The following SVIL variants were observed in gnomAD, a reference collection of about 807,000 sequenced individuals.
SVIL encodes the protein archvillin.
SVIL carries 101 observed loss-of-function variants against 240.4 expected under a neutral mutation model. The observed-to-expected ratio is 0.42, with a 90% CI of 0.36 to 0.50. The LOEUF (loss-of-function observed/expected upper bound fraction) is 0.50. Ranked by LOEUF, SVIL falls within the 20% of genes least tolerant of loss-of-function variation. The probability of loss-of-function intolerance (pLI) is 0.01; values close to 1 mark genes in which losing one functional copy is unlikely to be tolerated. For missense variants in SVIL, 2,512 were observed against 2,818.7 expected (o/e 0.89, Z 2.46); for synonymous variants, 999 against 1,100.0 (o/e 0.91, Z 1.82).
At chr10:29,509,375 G>C (rs1256263348) in intron 17 of SVIL, among the ~76,000 whole-genome samples, 7 of 135,938 alleles carry the variant, frequency 5.1e-5, no homozygotes, top group Non-Finnish European at 7.8e-5. Flanking sequence ...GAGAGAGAGA[G>C]AGAGAATACC....
At chr10:29,461,331 C>T (rs990060493) in intron 36 of SVIL, among the ~76,000 whole-genome samples, 3 of 152,114 alleles carry the variant, frequency 2.0e-5, no homozygotes, top group South Asian at 2.1e-4. Flanking sequence ...GTTCCGGCTG[C>T]GGCAGACACC....
At chr10:29,544,312 C>A (rs181889874) in intron 6 of SVIL, among the ~76,000 whole-genome samples, 4 of 152,200 alleles carry the variant, frequency 2.6e-5, no homozygotes, top group Admixed American at 2.6e-4. Flanking sequence ...TGCTAATGAC[C>A]GTTCTGCAGA....
At chr10:29,636,420 A>T (rs1958312958), upstream of SVIL, among the ~76,000 whole-genome samples, 1 of 152,208 alleles carries the variant, frequency 6.6e-6, no homozygotes, top group Admixed American at 6.5e-5. Flanking sequence ...CTTCCTAAAA[A>T]AAGATTCACT....
chr10:29,571,450 T>C (rs1462134771), intron 1 of SVIL, among the ~76,000 whole-genome samples: 2 of 152,150 alleles, frequency 1.3e-5, no homozygotes, highest in Non-Finnish European at 2.9e-5. Flanking sequence ...CCCTCGTGTA[T>C]TGGGAAGAAG....
At chr10:29,731,522 A>G (rs1226521444) in intron 1 of SVIL, among the ~76,000 whole-genome samples, 1 of 151,346 alleles carries the variant, frequency 6.6e-6, no homozygotes, top group African/African-American at 2.5e-5. Context: ...AATCTGATTC[A>G]TATGTCAATT....
intron 6 of SVIL, among the ~76,000 whole-genome samples, chr10:29,546,353 G>A (rs944986683): frequency 4.6e-5 from 7 of 152,042 alleles, no homozygotes; most frequent in Non-Finnish European, 1.0e-4. Flanking sequence ...CACCTATTTC[G>A]TTACTATGTG....
chr10:29,510,323 G>A (rs9919377), intron 17 of SVIL, among the ~76,000 whole-genome samples: 22,109 of 152,012 alleles, frequency 0.15, 2,290 homozygotes, highest in African/African-American at 0.3. Context: ...ATCCTTTATC[G>A]TACTTTTTTA....
chr10:29,466,772 A>G (rs935894675), intron 33 of SVIL, among the ~76,000 whole-genome samples: 1 of 152,228 alleles, frequency 6.6e-6, no homozygotes, highest in Non-Finnish European at 1.5e-5. Flanking sequence ...ATTTTTTAAA[A>G]TAGATATTAT....
At chr10:29,645,464 G>A (rs1294008284) in intron 3 of SVIL, among the ~76,000 whole-genome samples, 1 of 152,106 alleles carries the variant, frequency 6.6e-6, no homozygotes, top group Non-Finnish European at 1.5e-5. Context: ...AAACTACTCG[G>A]GAGGCTGAGG....
intron 6 of SVIL, among the ~76,000 whole-genome samples, chr10:29,547,701 A>G (rs569737525): frequency 4.9e-4 from 75 of 152,314 alleles, no homozygotes; most frequent in Admixed American, 1.7e-3. Context: ...CTTAATTACT[A>G]TTATAACTGA....
intron 15 of SVIL, 104 bp from the exon 16 acceptor site, chr10:29,522,739 A>C: frequency 7.9e-7 from 1 of 1,265,894 alleles, no homozygotes; most frequent in Admixed American, 2.3e-5. Flanking sequence ...CCGTGGGCAC[A>C]CGGCGGGTGA....
intron 25 of SVIL, 80 bp downstream of exon 25, chr10:29,486,330 A>G: frequency 6.3e-7 from 1 of 1,595,614 alleles, no homozygotes. Context: ...TTTATTTACA[A>G]TGTAAAATAG....
intron 23 of SVIL, 70 bp downstream of exon 23, chr10:29,488,531 T>G: frequency 1.4e-6 from 2 of 1,435,744 alleles, no homozygotes; most frequent in Non-Finnish European, 1.8e-6. Context: ...AATTACAGAG[T>G]CAGGACTCCG....
At chr10:29,466,951 G>A (rs1186105458) in intron 33 of SVIL, among the ~76,000 whole-genome samples, 3 of 152,126 alleles carry the variant, frequency 2.0e-5, no homozygotes, top group African/African-American at 7.2e-5. Flanking sequence ...GCAGTTATGA[G>A]GATACTCCAT....
At chr10:29,525,059 A>C (rs1267427209) in intron 13 of SVIL, among the ~76,000 whole-genome samples, 1 of 152,204 alleles carries the variant, frequency 6.6e-6, no homozygotes, top group Non-Finnish European at 1.5e-5. Flanking sequence ...AGGGAGTCAC[A>C]AAGTATTACC....
chr10:29,591,814 G>A (rs576056875), intron 1 of SVIL, among the ~76,000 whole-genome samples: 15 of 152,336 alleles, frequency 9.8e-5, no homozygotes, highest in African/African-American at 3.6e-4. Context: ...CTTAGCACAC[G>A]TGGGGAGATC....
intron 29 of SVIL, among the ~76,000 whole-genome samples, chr10:29,474,403 G>A (rs750450402): frequency 4.6e-5 from 7 of 152,022 alleles, no homozygotes; most frequent in Non-Finnish European, 7.4e-5. Context: ...AGACCAGCCT[G>A]GGCAACATAG....
intron 17 of SVIL, among the ~76,000 whole-genome samples, chr10:29,505,392 G>A (rs1475185083): frequency 2.6e-5 from 4 of 151,800 alleles, no homozygotes; most frequent in African/African-American, 9.7e-5. Flanking sequence ...CAGAGGAATC[G>A]TAAATGCATA....
intron 3 of SVIL, among the ~76,000 whole-genome samples, chr10:29,558,930 AAT>A (rs72228268): frequency 0.29 from 42,565 of 145,948 alleles, 6,301 homozygotes; most frequent in African/African-American, 0.36. Flanking sequence ...TCTGCCTCGA[AAT>A]ATATATATAT....
Sources: allele counts gnomAD v4.1 joint callset (sites outside exome capture counted in the v4.1 genomes callset), GRCh38; gene constraint gnomAD v4.1.1; transcripts MANE v1.5; gene names NCBI Gene and HGNC (gene_info 2026-07-23, HGNC 2026-07-21).